GNB1: variants seen among roughly 807,000 people sequenced by gnomAD.
GNB1 encodes the protein guanine nucleotide-binding protein G(I)/G(S)/G(T) subunit beta-1.
In GNB1, 2 loss-of-function variants were observed where a neutral mutation model predicts 42.9. The observed-to-expected ratio is 0.05, with a 90% CI of 0.02 to 0.15. The LOEUF (loss-of-function observed/expected upper bound fraction) is 0.15. Among genes scored for constraint, GNB1 ranks in the 10% least tolerant of loss-of-function variants. The pLI is 1.00. For synonymous variants in GNB1, 183 were observed against 174.7 expected (o/e 1.05, Z -0.38); for missense variants, 193 against 462.2 (o/e 0.42, Z 5.34).
At chr1:1,797,311 G>A (rs1264095316) in intron 7 of GNB1, among the ~76,000 whole-genome samples, 1 of 152,174 alleles carries the variant, frequency 6.6e-6, no homozygotes, top group Non-Finnish European at 1.5e-5. Context: ...GTTACAGAAC[G>A]ACAGTATAAT....
At chr1:1,886,509 T>G (rs776132480) in intron 1 of GNB1, among the ~76,000 whole-genome samples, 62 of 152,228 alleles carry the variant, frequency 4.1e-4, no homozygotes, top group Non-Finnish European at 6.8e-4. Context: ...CCCATATACG[T>G]TGGCCCTGCT....
chr1:1,874,365 T>C (rs1037736054), intron 1 of GNB1, among the ~76,000 whole-genome samples: 3 of 151,660 alleles, frequency 2.0e-5, no homozygotes, highest in Admixed American at 6.6e-5. Context: ...TCCTAGCACT[T>C]TGGGAGGCTG....
chr1:1,875,139 G>C (rs182772410), intron 1 of GNB1, among the ~76,000 whole-genome samples: 240 of 152,106 alleles, frequency 1.6e-3, no homozygotes, highest in African/African-American at 5.6e-3. Flanking sequence ...CGGCTCCTAA[G>C]AGACCACAGC....
intron 1 of GNB1, among the ~76,000 whole-genome samples, chr1:1,860,741 C>T (rs921228378): frequency 5.3e-5 from 8 of 151,806 alleles, no homozygotes; most frequent in African/African-American, 1.9e-4. Context: ...AGAGTCCCCA[C>T]AAACCGACCA....
chr1:1,829,144 C>T (rs1647041190), intron 2 of GNB1, among the ~76,000 whole-genome samples: 1 of 152,140 alleles, frequency 6.6e-6, no homozygotes, highest in Non-Finnish European at 1.5e-5. Context: ...GCAACCTCTG[C>T]CTCCCAGGTT....
intron 3 of GNB1, among the ~76,000 whole-genome samples, chr1:1,822,714 G>C (rs1231047875): frequency 6.6e-6 from 1 of 152,126 alleles, no homozygotes; most frequent in African/African-American, 2.4e-5. Flanking sequence ...AAGGCCCTGG[G>C]GAATTCACAA....
At chr1:1,803,842 C>T (rs545469184) in intron 7 of GNB1, among the ~76,000 whole-genome samples, 10 of 151,970 alleles carry the variant, frequency 6.6e-5, no homozygotes, top group African/African-American at 1.7e-4. Context: ...ATTAGCTGGG[C>T]GTGGTGGCGG....
chr1:1,814,065 C>T (rs1646817451), intron 5 of GNB1, among the ~76,000 whole-genome samples: 1 of 152,150 alleles, frequency 6.6e-6, no homozygotes, highest in African/African-American at 2.4e-5. Context: ...CTCAGAATAT[C>T]ATCTCCCCAC....
intron 3 of GNB1, among the ~76,000 whole-genome samples, chr1:1,821,925 T>C (rs7542340): frequency 1 from 151,528 of 152,238 alleles, 75,413 homozygotes; most frequent in Middle Eastern, 1. Flanking sequence ...CCTTGAGCCC[T>C]AGGAGTTCAA....
chr1:1,861,275 A>G (rs1256274710), intron 1 of GNB1, among the ~76,000 whole-genome samples: 1 of 152,004 alleles, frequency 6.6e-6, no homozygotes, highest in African/African-American at 2.4e-5. Context: ...TGGGCAACAT[A>G]AAGAGTCCTC....
intron 1 of GNB1, among the ~76,000 whole-genome samples, chr1:1,875,357 A>C (rs1226602968): frequency 2.0e-5 from 3 of 151,812 alleles, no homozygotes; most frequent in Non-Finnish European, 2.9e-5. Flanking sequence ...ACACCCCACT[A>C]AACTTTTGTG....
At chr1:1,823,801 G>A (rs974289260) in intron 3 of GNB1, among the ~76,000 whole-genome samples, 3 of 152,136 alleles carry the variant, frequency 2.0e-5, no homozygotes, top group Non-Finnish European at 2.9e-5. Context: ...GTAATTGGCC[G>A]TTTAAAAGGA....
rs558770811 is a variant in GNB1, at chr1:1,823,763, T to C, written c.57+1634A>G. Among the ~76,000 whole-genome samples, 128 of 152,346 alleles carry C rather than the reference T, an allele frequency of 8.4e-4. 5 individuals carry two copies. In the South Asian group the frequency reaches 0.026, roughly 31 times the overall value. ...CTAAAATTATGTTGGTGTTTCTCTCTCCAAATCCTGGTGGGCTTTCTAAAC... is the reference window on the plus strand; with the variant it reads ...CTAAAATTATGTTGGTGTTTCTCTCCCCAAATCCTGGTGGGCTTTCTAAAC... On this transcript the variant is annotated intron_variant, in intron 3 of 11. Coordinates refer to ENST00000378609, the MANE Select transcript of GNB1 (RefSeq NM_002074.5).
chr1:1,840,770 C>T (rs746721779), intron 1 of GNB1, among the ~76,000 whole-genome samples: 3 of 152,200 alleles, frequency 2.0e-5, no homozygotes, highest in Non-Finnish European at 4.4e-5. Flanking sequence ...GCCCTGGTGC[C>T]CAGGAAGGTG....
intron 3 of GNB1, among the ~76,000 whole-genome samples, chr1:1,819,282 C>T (rs1646898983): frequency 6.7e-6 from 1 of 150,264 alleles, no homozygotes; most frequent in African/African-American, 2.5e-5. Flanking sequence ...AGTGCTGTGT[C>T]GCGATCTCAG....
chr1:1,881,939 C>A (rs1370581565), intron 1 of GNB1, among the ~76,000 whole-genome samples: 2 of 152,128 alleles, frequency 1.3e-5, no homozygotes, highest in Non-Finnish European at 2.9e-5. Flanking sequence ...TCCCCTCCAT[C>A]CCCACCTGCC....
chr1:1,872,842 G>A (rs773856781), intron 1 of GNB1, among the ~76,000 whole-genome samples: 5 of 152,110 alleles, frequency 3.3e-5, no homozygotes, highest in Non-Finnish European at 5.9e-5. Context: ...ACCAAGCACA[G>A]TGTCTTGCTC....
intron 4 of GNB1, 49 bp from the exon 5 acceptor site, chr1:1,815,911 T>TA: frequency 9.0e-7 from 1 of 1,113,948 alleles, no homozygotes; most frequent in East Asian, 2.4e-5. Context: ...ATTAAACGAT[T>TA]CTCCTCATCA....
intron 10 of GNB1, chr1:1,788,113 T>G (rs1362552422): frequency 1.3e-5 from 2 of 152,078 alleles, no homozygotes; most frequent in African/African-American, 4.8e-5. Context: ...CGTTTTTCCT[T>G]TGTCTGTGAT....
Sources: allele counts gnomAD v4.1 joint callset (sites outside exome capture counted in the v4.1 genomes callset), GRCh38; gene constraint gnomAD v4.1.1; transcripts MANE v1.5; gene names NCBI Gene and HGNC (gene_info 2026-07-23, HGNC 2026-07-21).